The following CDH9 variants were observed in gnomAD, a reference collection of about 807,000 sequenced individuals.
The protein encoded by CDH9 is cadherin-9.
Under a neutral mutation model 70.9 loss-of-function variants are expected in CDH9, and 28 were observed. That is an observed-to-expected ratio of 0.40 (90% CI 0.29 to 0.54). The LOEUF (loss-of-function observed/expected upper bound fraction) is 0.54. Ranked by LOEUF, CDH9 falls within the 20% of genes least tolerant of loss-of-function variation. The probability of loss-of-function intolerance (pLI) is 0.59; values close to 1 mark genes in which losing one functional copy is unlikely to be tolerated. For synonymous variants in CDH9, 409 were observed against 343.1 expected, an observed-to-expected ratio of 1.19 and a Z score of -2.12; for missense variants, 874 against 984.4, an observed-to-expected ratio of 0.89 and a Z score of 1.50.
chr5:26,974,809 C>T (rs982961782), intron 2 of CDH9, among the ~76,000 whole-genome samples: 3 of 127,522 alleles, frequency 2.4e-5, no homozygotes, highest in African/African-American at 8.6e-5. Context: ...CATATAGTTA[C>T]CCTTTTGTGT....
At chr5:27,038,050 A>C (rs1743424185) in intron 1 of CDH9, among the ~76,000 whole-genome samples, 1 of 151,988 alleles carries the variant, frequency 6.6e-6, no homozygotes, top group Non-Finnish European at 1.5e-5. Flanking sequence ...ATTTAAACAA[A>C]AGTTATGAGA....
At chr5:26,934,470 C>CA (rs558646062) in intron 2 of CDH9, among the ~76,000 whole-genome samples, 24 of 151,878 alleles carry the variant, frequency 1.6e-4, no homozygotes, top group Admixed American at 9.8e-4. Context: ...TCTCAAAAAA[C>CA]AAAAAAATAG....
rs116083555 is a variant in CDH9, at chr5:26,972,637, A to G, written c.228+15469T>C. ...CATACGCAGTTAAATCAGTGTCGTT[A>G]AAGGATCAACTGTACTTTCTCTAGT... On this transcript the variant is annotated intron_variant, in intron 2 of 11. Coordinates refer to ENST00000231021, the MANE Select transcript of CDH9 (RefSeq NM_016279.4). Among the ~76,000 whole-genome samples, 293 of 152,270 alleles carry G rather than the reference A, an allele frequency of 1.9e-3. 2 individuals carry two copies. The highest frequency in any genetic ancestry group is 6.8e-3 in the African/African-American group (281 of 41,572).
intron 2 of CDH9, among the ~76,000 whole-genome samples, chr5:26,943,375 T>C (rs1389327391): frequency 2.6e-5 from 4 of 151,868 alleles, no homozygotes; most frequent in African/African-American, 9.7e-5. Context: ...TAGCCTGACG[T>C]GGTGGCTTGT....
chr5:26,881,205 G>C lies in CDH9; in HGVS notation c.2301C>G (p.Leu767=). 6.2e-7 allele frequency: 1 copy of C among 1,612,838 alleles called. No individual in the cohort carries two copies. The highest frequency in any genetic ancestry group is 8.5e-7 in the Non-Finnish European group (1 of 1,179,010). Residue 767 remains leucine, a synonymous_variant, in exon 12 of 12, where the codon CTC becomes CTG. Coordinates refer to ENST00000231021, the MANE Select transcript of CDH9 (RefSeq NM_016279.4). ...TADCNQDYDY[L]SDWGPRFKKL... ...TTTTGAAACGAGGCCCCCAGTCACT[G>C]AGGTAATCATAATCTTGGTTACAAT...
At chr5:26,992,850 A>G (rs1742599794) in intron 1 of CDH9, among the ~76,000 whole-genome samples, 1 of 152,166 alleles carries the variant, frequency 6.6e-6, no homozygotes, top group African/African-American at 2.4e-5. Flanking sequence ...TAATCCTAGC[A>G]CATTAGAAGG....
chr5:26,946,109 G>A (rs1017928044), intron 2 of CDH9, among the ~76,000 whole-genome samples: 1 of 152,124 alleles, frequency 6.6e-6, no homozygotes, highest in Non-Finnish European at 1.5e-5. Context: ...GCTACATAAT[G>A]ATCTGAGTAA....
intron 1 of CDH9, among the ~76,000 whole-genome samples, chr5:26,996,575 A>T (rs1015314800): frequency 3.9e-5 from 6 of 152,014 alleles, no homozygotes; most frequent in Non-Finnish European, 7.4e-5. Context: ...CACCAAAATG[A>T]TGTATCTTCT....
chr5:26,980,479 T>A (rs1440081308), intron 2 of CDH9, among the ~76,000 whole-genome samples: 1 of 151,984 alleles, frequency 6.6e-6, no homozygotes, highest in Non-Finnish European at 1.5e-5. Flanking sequence ...GAAAGTTAGA[T>A]ATTTTCACAA....
intron 11 of CDH9, among the ~76,000 whole-genome samples, chr5:26,883,054 T>G (rs867247105): frequency 0.11 from 8,781 of 79,574 alleles, 1,230 homozygotes; most frequent in Middle Eastern, 0.27. Context: ...TATATATATA[T>G]ATATATATAT....
At chr5:26,965,885 T>C (rs887857984) in intron 2 of CDH9, among the ~76,000 whole-genome samples, 8 of 152,096 alleles carry the variant, frequency 5.3e-5, no homozygotes, top group Admixed American at 2.0e-4. Flanking sequence ...TATGAAAATA[T>C]AGAATAGAAA....
chr5:26,907,177 A>G (rs1740963705), intron 3 of CDH9, among the ~76,000 whole-genome samples: 1 of 152,134 alleles, frequency 6.6e-6, no homozygotes, highest in South Asian at 2.1e-4. Context: ...GAAATTTGTA[A>G]TTAATACATT....
chr5:27,003,701 A>C (rs2112108331), intron 1 of CDH9, among the ~76,000 whole-genome samples: 1 of 152,208 alleles, frequency 6.6e-6, no homozygotes, highest in South Asian at 2.1e-4. Flanking sequence ...CAAAGTCATC[A>C]AAAATAGTAA....
chr5:26,964,798 C>A (rs1742101154), intron 2 of CDH9, among the ~76,000 whole-genome samples: 1 of 147,598 alleles, frequency 6.8e-6, no homozygotes, highest in East Asian at 2.0e-4. Context: ...CACCACCCCC[C>A]AACAGGCCCC....
intron 1 of CDH9, among the ~76,000 whole-genome samples, chr5:27,014,311 C>G (rs1743009262): frequency 6.6e-6 from 1 of 151,896 alleles, no homozygotes; most frequent in Non-Finnish European, 1.5e-5. Flanking sequence ...CTATATTAAC[C>G]CCTTCCGACC....
Position 26,880,947 on chromosome 5 carries a change from TA to T in CDH9, c.*188del. On this transcript the variant is annotated 3_prime_UTR_variant, in exon 12 of 12. Transcript: ENST00000231021. ...GAGGGTGAACTGGTTATTACTTTTT[TA>T]AAAATCTGTATCATTCGTATTCATT... 4.4e-6 allele frequency: 2 copies of T among 457,890 alleles called. No homozygotes were observed. The highest frequency in any genetic ancestry group is 7.6e-6 in the Non-Finnish European group (2 of 262,036). The allele number at this position is 457,890 out of a possible 1,614,324, so 28.4% of individuals were successfully genotyped here.
chr5:26,881,591 G>A lies in CDH9; in HGVS notation c.1915C>T (p.Gln639Ter). 1.2e-6 allele frequency: 2 copies of A among 1,611,202 alleles called. No homozygotes were observed. The highest frequency in any genetic ancestry group is 8.5e-7 in the Non-Finnish European group (1 of 1,179,010). ...ATTATCAGAGGTTCCTTTTTTCTTT[G>A]CCTCTTCAATGCAGCAAACAACACG... is the stretch of plus-strand genomic sequence containing the variant. ...LVVLFAALKR[Q>*]RKKEPLIISK... The change falls in exon 12 of 12, where the codon CAA (glutamine) becomes TAA (stop). Residue 639 changes from glutamine (Q) to a stop codon, truncating the protein, a stop_gained. Coordinates refer to ENST00000231021, the MANE Select transcript of CDH9 (RefSeq NM_016279.4). LOFTEE classifies it high-confidence loss of function.
rs971053594 is a variant in CDH9, at chr5:26,890,477, G to A, written c.1341C>T (p.Asp447=). 12 of 1,612,994 alleles carry A rather than the reference G, an allele frequency of 7.4e-6. No homozygotes were observed. The highest frequency in any genetic ancestry group is 9.3e-6 in the Non-Finnish European group (11 of 1,179,180). ...TGTTATGCCAAGGAGATGATTCCCG[G>A]TCAAGGGCTTTCAAAGTGAAAATAG... is the stretch of plus-strand genomic sequence containing the variant. ...NGSIFTLKAL[D]RESSPWHNIT... Residue 447 remains aspartate (D), a synonymous_variant, in exon 8 of 12, where the codon GAC becomes GAT. Transcript: ENST00000231021.
At chr5:26,886,427 A>G (rs1371998896) in intron 9 of CDH9, among the ~76,000 whole-genome samples, 1 of 152,136 alleles carries the variant, frequency 6.6e-6, no homozygotes, top group African/African-American at 2.4e-5. Flanking sequence ...TGTATTATTA[A>G]TTGATGAGCA....
Sources: gnomAD v4.1 joint callset for allele counts (sites outside exome capture counted in the v4.1 genomes callset) on GRCh38, gnomAD v4.1.1 for gene constraint, MANE v1.5 for transcripts, NCBI Gene and HGNC (gene_info 2026-07-23, HGNC 2026-07-21) for gene names.